N4BP2L2: variants seen among roughly 807,000 people sequenced by gnomAD.
The protein encoded by N4BP2L2 is NEDD4-binding protein 2-like 2.
A neutral mutation model predicts 56.2 loss-of-function variants in N4BP2L2; 50 were observed. That is an observed-to-expected ratio of 0.89 (90% CI 0.71 to 1.13). The LOEUF (loss-of-function observed/expected upper bound fraction) is 1.13, where lower values mean the gene tolerates loss of function less well. Among genes scored for constraint, N4BP2L2 ranks in the 50% most tolerant of loss-of-function variants. The pLI, the probability that N4BP2L2 is intolerant of heterozygous loss-of-function variation, is 0.00. For synonymous variants in N4BP2L2, 203 were observed against 223.6 expected (o/e 0.91, Z 0.82); for missense variants, 689 against 693.8 (o/e 0.99, Z 0.08).
rs540199032 is a variant in N4BP2L2 at position 32,459,569 on chromosome 13, T to A, written c.366-15443A>T. Among the ~76,000 whole-genome samples the A allele has an allele frequency of 3.3e-5, 5 of 152,136 alleles. No homozygotes were observed. The East Asian group carries it at 9.6e-4, about 29-fold the overall frequency. On this transcript the variant is annotated intron_variant, in intron 6 of 9. Coordinates refer to the N4BP2L2 transcript ENST00000357505. ...TGGGACATATATACATCCTACAATA[T>A]TGAATCAAAAAGACATAAAAAACCT...
chr13:32,496,781 C>A (rs1015917953), intron 6 of N4BP2L2, among the ~76,000 whole-genome samples: 2 of 152,194 alleles, frequency 1.3e-5, no homozygotes, highest in South Asian at 4.1e-4. Context: ...TCCTGCTGAG[C>A]CCCACCTCTG....
At chr13:32,454,405 G>C (rs1371269013) in intron 6 of N4BP2L2, among the ~76,000 whole-genome samples, 7 of 151,962 alleles carry the variant, frequency 4.6e-5, no homozygotes, top group Non-Finnish European at 1.0e-4. Context: ...ACAAGGAGCA[G>C]AAACAAACCT....
At chr13:32,480,512 A>G (rs1326005620) in intron 6 of N4BP2L2, 3 of 803,228 alleles carry the variant, frequency 3.7e-6, no homozygotes, top group Non-Finnish European at 5.3e-6. Flanking sequence ...CAATAAAGAG[A>G]CTTTTTTCTA....
exon 6 of N4BP2L2, chr13:32,513,973 A>C (rs1342288415): frequency 1.3e-5 from 2 of 152,210 alleles, no homozygotes; most frequent in Non-Finnish European, 1.5e-5. Flanking sequence ...TTTGCAATAA[A>C]AAAATTCAAG....
intron 2 of N4BP2L2, among the ~76,000 whole-genome samples, chr13:32,533,810 G>A (rs1594114178): frequency 6.6e-6 from 1 of 152,146 alleles, no homozygotes; most frequent in East Asian, 1.9e-4. Flanking sequence ...TTTTGTCAAA[G>A]CTTGTTTTGA....
At chr13:32,490,735 C>A (rs1051578191) in intron 6 of N4BP2L2, among the ~76,000 whole-genome samples, 2 of 152,110 alleles carry the variant, frequency 1.3e-5, no homozygotes, top group African/African-American at 4.8e-5. Context: ...ATAAGGAGTG[C>A]AGCAACCTAG....
rs150745016 is a variant in N4BP2L2, at chr13:32,529,795, G to A, written c.1260-2263C>T. ...GGCTGGAGTGCAGTGGTGTGATCTC[G>A]GCTCACTGCAACCTCCACCTCCCAA... On this transcript the variant is annotated intron_variant, in intron 2 of 5. Coordinates refer to ENST00000267068, the Ensembl canonical transcript of N4BP2L2. Among the ~76,000 whole-genome samples the A allele has an allele frequency of 8.8e-3, 1,314 of 149,936 alleles. 15 individuals are homozygous for A. The highest frequency in any genetic ancestry group is 0.03 in the African/African-American group (1,235 of 40,758).
At chr13:32,505,003 A>C (rs2090680513) in intron 6 of N4BP2L2, 1 of 152,292 alleles carries the variant, frequency 6.6e-6, no homozygotes, top group East Asian at 1.9e-4. Context: ...CTTCCCACCT[A>C]ACAGGGGTGG....
chr13:32,520,740 A>G (rs1347429166), intron 5 of N4BP2L2, among the ~76,000 whole-genome samples: 5 of 152,200 alleles, frequency 3.3e-5, no homozygotes, highest in Non-Finnish European at 7.3e-5. Context: ...AAAGATAGGT[A>G]CAAATGGAAG....
At chr13:32,474,962 A>C (rs1453827984) in intron 6 of N4BP2L2, among the ~76,000 whole-genome samples, 1 of 152,208 alleles carries the variant, frequency 6.6e-6, no homozygotes, top group African/African-American at 2.4e-5. Flanking sequence ...TTAATATTAT[A>C]CATAACTATA....
intron 6 of N4BP2L2, among the ~76,000 whole-genome samples, chr13:32,474,871 A>G (rs948252600): frequency 6.6e-6 from 1 of 152,224 alleles, no homozygotes; most frequent in African/African-American, 2.4e-5. Flanking sequence ...GCCGCTGACA[A>G]TGGAGTACTG....
At chr13:32,494,053 A>G (rs1257731907) in intron 6 of N4BP2L2, among the ~76,000 whole-genome samples, 1 of 152,132 alleles carries the variant, frequency 6.6e-6, no homozygotes, top group Non-Finnish European at 1.5e-5. Context: ...TGGGCGGATC[A>G]CTTGAGACCA....
At chr13:32,449,859 T>A (rs1180451331) in intron 6 of N4BP2L2, among the ~76,000 whole-genome samples, 1 of 152,164 alleles carries the variant, frequency 6.6e-6, no homozygotes, top group East Asian at 1.9e-4. Context: ...ACTGGAAAAT[T>A]CTCCAAAAAT....
chr13:32,453,759 G>A (rs948051345), intron 6 of N4BP2L2, among the ~76,000 whole-genome samples: 12 of 152,198 alleles, frequency 7.9e-5, no homozygotes, highest in African/African-American at 1.7e-4. Flanking sequence ...AGTACCAAGG[G>A]TGGCAGAAAG....
intron 6 of N4BP2L2, among the ~76,000 whole-genome samples, chr13:32,445,314 T>C (rs1229951643): frequency 6.6e-6 from 1 of 152,200 alleles, no homozygotes; most frequent in Non-Finnish European, 1.5e-5. Flanking sequence ...TACATAAACA[T>C]ATGGTATTAT....
chr13:32,452,759 A>G (rs79935217), intron 6 of N4BP2L2, among the ~76,000 whole-genome samples: 6,943 of 152,276 alleles, frequency 0.046, 513 homozygotes, highest in African/African-American at 0.16. Context: ...TTAATTAACA[A>G]TGAGTACTAT....
chr13:32,536,933 G>A (rs187538494), exon 2 of N4BP2L2: 35 of 1,613,752 alleles, frequency 2.2e-5, no homozygotes, highest in Non-Finnish European at 2.6e-5. Flanking sequence ...AAAAACATAC[G>A]ACTCTGTGGT....
intron 6 of N4BP2L2, among the ~76,000 whole-genome samples, chr13:32,448,755 A>G (rs751090719): frequency 2.0e-5 from 3 of 152,230 alleles, no homozygotes; most frequent in African/African-American, 4.8e-5. Flanking sequence ...ACATTTCCCA[A>G]TGCAGAATCC....
chr13:32,486,961 T>G (rs2139252689), intron 6 of N4BP2L2, among the ~76,000 whole-genome samples: 1 of 152,226 alleles, frequency 6.6e-6, no homozygotes, highest in South Asian at 2.1e-4. Context: ...ATCACGCCAC[T>G]GCACTCCAGC....
Sources: allele counts gnomAD v4.1 joint callset (sites outside exome capture counted in the v4.1 genomes callset), GRCh38; gene constraint gnomAD v4.1.1; transcripts MANE v1.5; gene names NCBI Gene and HGNC (gene_info 2026-07-23, HGNC 2026-07-21).